The following TCP11 variants were observed in gnomAD, a reference collection of about 807,000 sequenced individuals.
TCP11 encodes T-complex protein 11 homolog.
TCP11 carries 34 observed loss-of-function variants against 45.0 expected under a neutral mutation model. The observed-to-expected ratio is 0.76, with a 90% CI of 0.57 to 1.01. TCP11 has a LOEUF of 1.01. Ranked by LOEUF, TCP11 falls within the 50% of genes least tolerant of loss-of-function variation. The pLI is 0.00. For missense variants in TCP11, 523 were observed against 598.1 expected, an observed-to-expected ratio of 0.87 and a Z score of 1.31; for synonymous variants, 227 against 227.0, an observed-to-expected ratio of 1.00 and a Z score of 0.00.
intron 3 of TCP11, 130 bp from the exon 4 acceptor site, chr6:35,129,312 T>C (rs1780160351): frequency 8.3e-7 from 1 of 1,199,294 alleles, no homozygotes; most frequent in Non-Finnish European, 1.1e-6. Context: ...GGCCAGGAAC[T>C]ATGTTGGAAC....
Position 35,139,994 on chromosome 6 carries a change from A to G in TCP11, c.124+753T>C, listed in dbSNP as rs1374788952. The G allele has an allele frequency of 2.5e-6, 4 of 1,613,074 alleles. No individual in the cohort carries two copies. In the South Asian group the frequency reaches 4.4e-5, roughly 18 times the overall value. On this transcript the variant is annotated intron_variant, in intron 2 of 9. Coordinates refer to ENST00000311875, the MANE Select transcript of TCP11 (RefSeq NM_001370687.1). Reference sequence around the variant, plus strand: ...CACCTCAAAAACTTAAATTGTGTGTACAAAAAAACGGATTTTTCATCCTAC... The same window carrying G: ...CACCTCAAAAACTTAAATTGTGTGTGCAAAAAAACGGATTTTTCATCCTAC...
At chr6:35,131,728 A>G (rs1780476550) in intron 3 of TCP11, among the ~76,000 whole-genome samples, 1 of 152,240 alleles carries the variant, frequency 6.6e-6, no homozygotes, top group South Asian at 2.1e-4. Context: ...GACTTCCTGG[A>G]AAAGTCCTCC....
intron 2 of TCP11, 52 bp downstream of exon 2, chr6:35,140,695 C>A: frequency 8.1e-7 from 1 of 1,241,424 alleles, no homozygotes; most frequent in Non-Finnish European, 1.1e-6. Flanking sequence ...CTGCGGACCC[C>A]CCACACTAAG....
chr6:35,138,490 T>G (rs1326589219), intron 2 of TCP11, among the ~76,000 whole-genome samples: 8 of 152,032 alleles, frequency 5.3e-5, no homozygotes, highest in Non-Finnish European at 1.2e-4. Context: ...AAAGAAAAAC[T>G]TCACATGTTC....
At chr6:35,127,123 T>C (rs1390511540) in intron 4 of TCP11, among the ~76,000 whole-genome samples, 1 of 152,188 alleles carries the variant, frequency 6.6e-6, no homozygotes, top group Non-Finnish European at 1.5e-5. Flanking sequence ...TTGTGTGAAA[T>C]ACTTGCATTG....
intron 3 of TCP11, 73 bp from the exon 4 acceptor site, chr6:35,129,255 C>T (rs753964201): frequency 7.2e-6 from 11 of 1,522,008 alleles, no homozygotes; most frequent in Non-Finnish European, 9.7e-6. Context: ...CTCCTAAACC[C>T]CAAACTGAAT....
chr6:35,124,525 C>T (rs1010509047), intron 4 of TCP11, among the ~76,000 whole-genome samples: 2 of 152,128 alleles, frequency 1.3e-5, no homozygotes, highest in Non-Finnish European at 2.9e-5. Context: ...CCTAAGCTTC[C>T]CATCAGGAAT....
intron 2 of TCP11, chr6:35,140,476 A>G (rs1234714011): frequency 1.7e-6 from 1 of 594,862 alleles, no homozygotes; most frequent in African/African-American, 1.8e-5. Flanking sequence ...CATATTCAAA[A>G]TACAATACAA....
chr6:35,134,979 C>T (rs1439826018), intron 3 of TCP11, among the ~76,000 whole-genome samples: 1 of 152,082 alleles, frequency 6.6e-6, no homozygotes, highest in Non-Finnish European at 1.5e-5. Context: ...GAAACCCCAT[C>T]TCCACTAAAA....
Position 35,120,966 on chromosome 6 carries a change from C to T in TCP11, c.658G>A (p.Glu220Lys). ...TIQSLQPHLQ[E>K]HSIQYERAKF... ...GCCCGTTCATACTGAATGGAATGTT[C>T]CTGCAGGTGGGGTTGAAGGCTCTGG... Residue 220 changes from glutamate to lysine, a missense_variant, in exon 6 of 10, where the codon GAA becomes AAA. Physicochemically the swap from Glu to Lys is moderately conservative, Grantham distance 56. This residue lies in a region of TCP11 where 298 missense variants were observed against 387.9 expected (regional missense o/e 0.77). Transcript: ENST00000311875. The surrounding 1 kb of genome is among the most constrained non-coding windows in gnomAD (Gnocchi z 4.9). 6.2e-7 allele frequency: 1 copy of T among 1,613,990 alleles called. No homozygotes were observed. Among genetic ancestry groups the T allele is most frequent in the Non-Finnish European group, 8.5e-7 (1 of 1,179,960 alleles).
chr6:35,141,209 TCCTC>T lies in TCP11; in HGVS notation c.-23_-20del. 7.1e-7 allele frequency: 1 copy of T among 1,402,412 alleles called. No individual in the cohort carries two copies. The highest frequency in any genetic ancestry group is 2.6e-4 in the Middle Eastern group (1 of 3,830). The allele number at this position is 1,402,412 out of a possible 1,614,324, so 86.9% of individuals were successfully genotyped here. ...CTCCGGCTCCCAGGCCGTCACCTCC[TCCTC>T]CCCCGCCGCGGGTCATCCACTGGCG... On this transcript the variant is annotated 5_prime_UTR_variant, in exon 1 of 10. Coordinates refer to ENST00000311875, the MANE Select transcript of TCP11 (RefSeq NM_001370687.1).
chr6:35,138,473 G>T (rs1319861810), intron 2 of TCP11, among the ~76,000 whole-genome samples: 1 of 152,104 alleles, frequency 6.6e-6, no homozygotes, highest in East Asian at 1.9e-4. Context: ...AATTAAGCCA[G>T]GCACAGAAAG....
chr6:35,121,983 G>A, intron 5 of TCP11, 134 bp downstream of exon 5: 1 of 827,132 alleles, frequency 1.2e-6, no homozygotes, highest in East Asian at 2.6e-5. Flanking sequence ...TGACCAGAGG[G>A]GAGAAAAAGG....
chr6:35,129,988 G>A (rs748088690), intron 3 of TCP11, among the ~76,000 whole-genome samples: 1 of 151,922 alleles, frequency 6.6e-6, no homozygotes, highest in Non-Finnish European at 1.5e-5. Context: ...CCGCTATGTT[G>A]CTCGGGCTGG....
At chr6:35,140,374 G>C (rs964302292) in intron 2 of TCP11, 2 of 577,372 alleles carry the variant, frequency 3.5e-6, no homozygotes, top group African/African-American at 3.8e-5. Context: ...ACTATTTCTT[G>C]AGTTAGCAAA....
chr6:35,138,368 A>C (rs912612165), intron 2 of TCP11, among the ~76,000 whole-genome samples: 2 of 152,236 alleles, frequency 1.3e-5, no homozygotes, highest in African/African-American at 4.8e-5. Context: ...GTAGATATAC[A>C]CAATGGAGTG....
chr6:35,135,383 G>C lies in TCP11; in HGVS notation c.236+724C>G, dbSNP rs142437161. Among the ~76,000 whole-genome samples the C allele has an allele frequency of 3.9e-4, 59 of 152,212 alleles. 1 individual carries two copies. In the East Asian group the frequency reaches 9.3e-3, roughly 24 times the overall value. On this transcript the variant is annotated intron_variant, in intron 3 of 9. Coordinates refer to ENST00000311875, the MANE Select transcript of TCP11 (RefSeq NM_001370687.1). ...AAATTCCATGTGGCAAATTGAGGGA[G>C]CCTCTGGCCAAGAGTCAGCAGACTG...
chr6:35,126,650 C>CTTTTTTTTTTTTTTT, intron 4 of TCP11, among the ~76,000 whole-genome samples: 1 of 66,898 alleles, frequency 1.5e-5, no homozygotes, highest in Non-Finnish European at 2.7e-5. Flanking sequence ...GAATCAAAGA[C>CTTTTTTTTTTTTTTT]TTTTTTTTTT....
In TCP11 at chr6:35,118,499, G is replaced by A. The variant is rs1369129582; in HGVS notation, c.1282C>T (p.Gln428Ter). ...KENCVCSVID[Q>*]RIHLFLKCCL... is the part of the protein sequence containing the mutation. Reference sequence around the variant, plus strand: ...CATTTGAGAAACAAATGGATCCGCTGATCTGTGAGCAGGAAAAGACACTGA... The same window carrying A: ...CATTTGAGAAACAAATGGATCCGCTAATCTGTGAGCAGGAAAAGACACTGA... The change falls in exon 10 of 10, where the codon CAG becomes TAG. Residue 428 changes from glutamine (Q) to a stop codon, truncating the protein, a stop_gained and splice_region_variant. Coordinates refer to ENST00000311875, the MANE Select transcript of TCP11 (RefSeq NM_001370687.1). LOFTEE classifies it high-confidence loss of function. 6.2e-7 allele frequency: 1 copy of A among 1,613,152 alleles called. No individual in the cohort carries two copies. The highest frequency in any genetic ancestry group is 8.5e-7 in the Non-Finnish European group (1 of 1,179,596).
Sources: allele counts gnomAD v4.1 joint callset (sites outside exome capture counted in the v4.1 genomes callset), GRCh38; gene constraint gnomAD v4.1.1; regional missense constraint gnomAD v4.1.1; non-coding constraint Gnocchi (gnomAD v3.1); transcripts MANE v1.5; gene names NCBI Gene and HGNC (gene_info 2026-07-23, HGNC 2026-07-21).